The following LEO1 variants were observed in gnomAD, a reference collection of about 807,000 sequenced individuals.
The protein encoded by LEO1 is LEO1 component of Paf1/RNA polymerase II complex, also known as RNA polymerase-associated protein LEO1.
Under a neutral mutation model 80.4 loss-of-function variants are expected in LEO1, and 34 were observed. The ratio of observed to expected loss-of-function variants is 0.42; its 90% confidence interval spans 0.32 to 0.56. The LOEUF is 0.56. Ranked by LOEUF, LEO1 falls within the 20% of genes least tolerant of loss-of-function variation. The pLI, the probability that LEO1 is intolerant of heterozygous loss-of-function variation, is 0.10. For missense variants in LEO1, 631 were observed against 814.2 expected, an observed-to-expected ratio of 0.77 and a Z score of 2.74; for synonymous variants, 262 against 274.9, an observed-to-expected ratio of 0.95 and a Z score of 0.46.
intron 2 of LEO1, among the ~76,000 whole-genome samples, chr15:51,964,332 T>C (rs913216956): frequency 2.0e-5 from 3 of 151,788 alleles, no homozygotes; most frequent in Non-Finnish European, 4.4e-5. Context: ...TTCTCACTCA[T>C]AGGTGGGAAC....
chr15:51,965,995 C>T lies in LEO1; in HGVS notation c.568G>A (p.Asp190Asn). 1 of 1,614,132 alleles carries T rather than the reference C, an allele frequency of 6.2e-7. No homozygotes were observed. The highest frequency in any genetic ancestry group is 1.1e-5 in the South Asian group (1 of 91,066). The change falls in exon 2 of 12, where the codon GAT becomes AAT. Residue 190 changes from aspartate (D) to asparagine (N), a missense_variant. By Grantham distance (23) the Asp-to-Asn change is conservative. Around this residue, in one of 4 missense-constraint regions of LEO1, gnomAD observed 394 missense variants for 395.6 expected, o/e 1.00. Coordinates refer to ENST00000299601, the MANE Select transcript of LEO1 (RefSeq NM_138792.4). The part of the protein sequence containing the change: ...DDDEKMQNTD[D>N]EERPQLSDDE... ...TCGGAAAGCTGAGGCCTCTCCTCAT[C>T]ATCTGTGTTCTGCATTTTCTCATCA...
At position 51,951,986 on chromosome 15, in the gene LEO1, G is replaced by C. The variant is rs1274474221; in HGVS notation, c.1476-7C>G. ...ACTGTCCGTAGAGTGAGGTCTGCCA[G>C]GAAATAAACGAAGAGCATATCACTG... On this transcript the variant is annotated splice_polypyrimidine_tract_variant and splice_region_variant and intron_variant, in intron 8 of 11. Transcript: ENST00000299601. The C allele has an allele frequency of 6.2e-7, 1 of 1,610,066 alleles. No homozygotes were observed. The highest frequency in any genetic ancestry group is 2.2e-5 in the East Asian group (1 of 44,704).
At chr15:51,964,456 G>A (rs1489303762) in intron 2 of LEO1, among the ~76,000 whole-genome samples, 3 of 151,458 alleles carry the variant, frequency 2.0e-5, no homozygotes, top group Admixed American at 6.6e-5. Context: ...TGTAAATGAC[G>A]AGTTGATGGG....
intron 1 of LEO1, among the ~76,000 whole-genome samples, chr15:51,971,470 G>C (rs1321435523): frequency 6.6e-6 from 1 of 152,170 alleles, no homozygotes; most frequent in African/African-American, 2.4e-5. Flanking sequence ...CCCAGGAACC[G>C]TCTGCTCCAC....
intron 1 of LEO1, among the ~76,000 whole-genome samples, chr15:51,969,853 A>G (rs2057108892): frequency 6.6e-6 from 1 of 151,736 alleles, no homozygotes; most frequent in Non-Finnish European, 1.5e-5. Flanking sequence ...AAAAAAAAAA[A>G]AAAAAAAAAG....
At chr15:51,942,850 A>C (rs2056865396) in intron 11 of LEO1, among the ~76,000 whole-genome samples, 1 of 145,144 alleles carries the variant, frequency 6.9e-6, no homozygotes, top group Non-Finnish European at 1.5e-5. Flanking sequence ...TGAACCCAGG[A>C]GGTGGAGGTT....
rs1269704254 is a variant in LEO1, at chr15:51,960,585, CCTTTGAAA to C, written c.1014+46_1014+53del. On this transcript the variant is annotated intron_variant, in intron 4 of 11. Coordinates refer to ENST00000299601, the MANE Select transcript of LEO1 (RefSeq NM_138792.4). Reference sequence around the variant, plus strand: ...TTCCTGGAATAAGGGAGACTCTTCACCTTTGAAACTTTATGCCTGGCCTTGAATAAGTT... The same window carrying C: ...TTCCTGGAATAAGGGAGACTCTTCACCTTTATGCCTGGCCTTGAATAAGTT... The C allele has an allele frequency of 4.1e-6, 4 of 978,534 alleles. No individual in the cohort carries two copies. The African/African-American group carries it at 6.4e-5, about 16-fold the overall frequency. The allele number at this position is 978,534 out of a possible 1,614,324, so 60.6% of individuals were successfully genotyped here. A position where few individuals can be genotyped will look rare whatever the true frequency, so the allele number is the denominator to read the frequency against.
At chr15:51,943,366 G>GA (rs2056872126) in intron 11 of LEO1, among the ~76,000 whole-genome samples, 1 of 151,148 alleles carries the variant, frequency 6.6e-6, no homozygotes, top group African/African-American at 2.4e-5. Flanking sequence ...GCGACAGTGT[G>GA]AAAATCCATC....
intron 7 of LEO1, 109 bp downstream of exon 7, chr15:51,954,372 A>T (rs1329608070): frequency 1.4e-6 from 1 of 691,090 alleles, no homozygotes; most frequent in East Asian, 2.7e-5. Flanking sequence ...ACAGAGTGAG[A>T]CCCCATTTCT....
chr15:51,958,949 A>T, intron 5 of LEO1, 123 bp from the exon 6 acceptor site: 1 of 526,054 alleles, frequency 1.9e-6, no homozygotes, highest in South Asian at 3.2e-5. Context: ...TTTAAAAATC[A>T]TAATGATCAA....
chr15:51,951,600 A>C (rs953675274), intron 9 of LEO1, among the ~76,000 whole-genome samples: 2 of 152,188 alleles, frequency 1.3e-5, no homozygotes. Flanking sequence ...TATTTCAATC[A>C]CCGGTTTGTT....
At chr15:51,954,079 T>A (rs572420054) in intron 7 of LEO1, among the ~76,000 whole-genome samples, 2 of 151,850 alleles carry the variant, frequency 1.3e-5, no homozygotes, top group Non-Finnish European at 2.9e-5. Context: ...ATTACAGGCG[T>A]CCGCCATCAC....
chr15:51,964,837 C>G (rs148566202), intron 2 of LEO1, among the ~76,000 whole-genome samples: 1 of 152,134 alleles, frequency 6.6e-6, no homozygotes, highest in African/African-American at 2.4e-5. Context: ...TTATATAATA[C>G]AAAGAAATAT....
At chr15:51,950,056 C>A in intron 9 of LEO1, 62 bp from the exon 10 acceptor site, 8 of 1,363,854 alleles carry the variant, frequency 5.9e-6, no homozygotes, top group South Asian at 4.1e-5. Context: ...CCACTTGAAC[C>A]CACTTTTATT....
intron 7 of LEO1, 104 bp downstream of exon 7, chr15:51,954,377 A>G (rs1195976830): frequency 2.8e-6 from 2 of 719,046 alleles, no homozygotes; most frequent in East Asian, 2.7e-5. Flanking sequence ...GTGAGACCCC[A>G]TTTCTAAAAC....
chr15:51,943,525 C>T (rs1792685487), intron 11 of LEO1, among the ~76,000 whole-genome samples: 1 of 151,422 alleles, frequency 6.6e-6, no homozygotes, highest in Non-Finnish European at 1.5e-5. Context: ...CATGGTGAAA[C>T]CCCGTCTCTA....
chr15:51,940,750 T>G lies in LEO1; in HGVS notation c.1897-2490A>C, dbSNP rs368711624. ...AACCTGGGCAACATGGTAAGACATT[T>G]TGTCTTTACCAAAAAAAAAAATTAT... On this transcript the variant is annotated intron_variant, in intron 11 of 11. Transcript: ENST00000299601. Among the ~76,000 whole-genome samples, 4 of 151,800 alleles carry G rather than the reference T, an allele frequency of 2.6e-5. No individual in the cohort carries two copies. In the East Asian group the frequency reaches 7.7e-4, roughly 29 times the overall value.
intron 11 of LEO1, among the ~76,000 whole-genome samples, chr15:51,940,298 C>T (rs879574657): frequency 1.3e-4 from 19 of 144,590 alleles, no homozygotes; most frequent in Non-Finnish European, 2.4e-4. Context: ...TGGTGGCTCA[C>T]GCCTGTAATC....
In LEO1 at chr15:51,966,359, G is replaced by T. The variant is rs142281993; in HGVS notation, c.204C>A (p.Asp68Glu). 1 of 1,614,044 alleles carries T rather than the reference G, an allele frequency of 6.2e-7. No individual in the cohort carries two copies. Among genetic ancestry groups the T allele is most frequent in the Admixed American group, 1.7e-5 (1 of 60,018 alleles). ...NKELFGDDSE[D>E]EGASHHSGSD... ...TACCACTATGATGTGAAGCTCCCTC[G>T]TCCTCACTGTCATCTCCAAACAGTT... Residue 68 changes from aspartate to glutamate, a missense_variant, in exon 2 of 12, where the codon GAC becomes GAA. Transcript: ENST00000299601.
Sources: allele counts gnomAD v4.1 joint callset (sites outside exome capture counted in the v4.1 genomes callset), GRCh38; gene constraint gnomAD v4.1.1; regional missense constraint gnomAD v4.1.1; transcripts MANE v1.5; gene names NCBI Gene and HGNC (gene_info 2026-07-23, HGNC 2026-07-21).